C1QTNF4: variants seen among roughly 807,000 people sequenced by gnomAD.
C1QTNF4 encodes complement C1q tumor necrosis factor-related protein 4.
Under a neutral mutation model 14.6 loss-of-function variants are expected in C1QTNF4, and 12 were observed. The ratio of observed to expected loss-of-function variants is 0.82; its 90% confidence interval spans 0.53 to 1.33. The LOEUF is 1.33. Among genes scored for constraint, C1QTNF4 ranks in the 40% most tolerant of loss-of-function variants. The probability of loss-of-function intolerance (pLI) is 0.00; values close to 1 mark genes in which losing one functional copy is unlikely to be tolerated. For missense variants in C1QTNF4, 558 were observed against 500.3 expected (o/e 1.12, Z -1.10); for synonymous variants, 278 against 246.6 (o/e 1.13, Z -1.19).
chr11:47,592,770 G>A (rs2097276268), intron 1 of C1QTNF4, among the ~76,000 whole-genome samples: 1 of 152,204 alleles, frequency 6.6e-6, no homozygotes, highest in Admixed American at 6.5e-5. Flanking sequence ...GAGAAGGGTT[G>A]TCAGGTGTAG....
Position 47,590,450 on chromosome 11 carries a change from T to C in C1QTNF4, c.361A>G (p.Ser121Gly). ...RPGARRAASQ[S>G]AMLQLDYGDT... ...CCGTAGTCGAGCTGCAGCATGGCGC[T>C]CTGGCTGGCTGCGCGCCGCGCGCCT... is the stretch of plus-strand genomic sequence containing the variant. The change falls in exon 2 of 2, where the codon AGC becomes GGC. Residue 121 changes from serine to glycine, a missense_variant. Coordinates refer to ENST00000302514, the MANE Select transcript of C1QTNF4 (RefSeq NM_031909.3). 2.0e-6 allele frequency: 3 copies of C among 1,513,800 alleles called. No individual in the cohort carries two copies. The highest frequency in any genetic ancestry group is 1.8e-6 in the Non-Finnish European group (2 of 1,135,908). 93.8% of individuals were successfully genotyped at this position (1,513,800 alleles called of 1,614,324 possible). A position where few individuals can be genotyped will look rare whatever the true frequency, so the allele number is the denominator to read the frequency against.
At chr11:47,592,528 C>A (rs936835641) in intron 1 of C1QTNF4, among the ~76,000 whole-genome samples, 2 of 152,146 alleles carry the variant, frequency 1.3e-5, no homozygotes, top group African/African-American at 4.8e-5. Flanking sequence ...GTCACTCCTA[C>A]CCCTGAGAGC....
Position 47,590,709 on chromosome 11 carries a change from C to G in C1QTNF4, c.102G>C (p.Ala34=). The change falls in exon 2 of 2, where the codon GCG becomes GCC. Residue 34 remains alanine (A), a synonymous_variant. Transcript: ENST00000302514. ...GSSELRSAFS[A]ARTTPLEGTS... is the part of the protein sequence containing the mutation. Reference sequence around the variant, plus strand: ...TGCCCTCCAGGGGGGTGGTGCGTGCCGCCGAGAAGGCCGAGCGCAGCTCAG... The same window carrying G: ...TGCCCTCCAGGGGGGTGGTGCGTGCGGCCGAGAAGGCCGAGCGCAGCTCAG... 1 of 1,611,010 alleles carries G rather than the reference C, an allele frequency of 6.2e-7. No individual in the cohort carries two copies. The highest frequency in any genetic ancestry group is 8.5e-7 in the Non-Finnish European group (1 of 1,179,272).
chr11:47,592,407 A>G (rs2097276111), intron 1 of C1QTNF4, among the ~76,000 whole-genome samples: 1 of 152,158 alleles, frequency 6.6e-6, no homozygotes, highest in Admixed American at 6.5e-5. Context: ...GTGCTGAGAT[A>G]GGTGTGAACA....
chr11:47,590,933 G>T (rs1331670124), intron 1 of C1QTNF4, 118 bp from the exon 2 acceptor site: 5 of 1,401,588 alleles, frequency 3.6e-6, no homozygotes, highest in Non-Finnish European at 3.7e-6. Context: ...CCACAAGTAG[G>T]TTTCAATTTT....
Position 47,589,700 on chromosome 11 carries a change from G to A in C1QTNF4, c.*121C>T. 1 of 996,784 alleles carries A rather than the reference G, an allele frequency of 1.0e-6. No homozygotes were observed. The highest frequency in any genetic ancestry group is 1.4e-6 in the Non-Finnish European group (1 of 722,416). 61.7% of individuals were successfully genotyped at this position (996,784 alleles called of 1,614,324 possible). ...CGGGCGCTGCGCGTGCCCGCTTTCC[G>A]CTTTATTGGCAGAGTCCAGGCGCGC... On this transcript the variant is annotated 3_prime_UTR_variant, in exon 2 of 2. Coordinates refer to ENST00000302514, the MANE Select transcript of C1QTNF4 (RefSeq NM_031909.3).
rs1414179699 is a variant in C1QTNF4, at chr11:47,590,125, T to C, written c.686A>G (p.Tyr229Cys). Residue 229 changes from tyrosine (Y) to cysteine (C), a missense_variant, in exon 2 of 2, where the codon TAC (tyrosine) becomes TGC (cysteine). Tyr to Cys is a radical substitution (Grantham distance 194). Transcript: ENST00000302514. ...GVFRCRLPGA[Y>C]FFSFTLGKLP... ...CTTGCCCAGCGTGAAGGAGAAGAAG[T>C]AGGCGCCGGGCAGACGGCAGCGGAA... The C allele has an allele frequency of 5.0e-6, 8 of 1,610,670 alleles. No homozygotes were observed. The highest frequency in any genetic ancestry group is 6.8e-6 in the Non-Finnish European group (8 of 1,178,986).
At chr11:47,591,687 C>G (rs1273697390) in intron 1 of C1QTNF4, among the ~76,000 whole-genome samples, 1 of 152,180 alleles carries the variant, frequency 6.6e-6, no homozygotes, top group African/African-American at 2.4e-5. Flanking sequence ...CGCGCCCGGC[C>G]GAAACCCCTT....
Position 47,590,030 on chromosome 11 carries a change from C to A in C1QTNF4, c.781G>T (p.Asp261Tyr). The change falls in exon 2 of 2, where the codon GAC (aspartate) becomes TAC (tyrosine). Residue 261 changes from aspartate to tyrosine, a missense_variant. Coordinates refer to ENST00000302514, the MANE Select transcript of C1QTNF4 (RefSeq NM_031909.3). ...ATCTCGCGGCGCCGCGACGCGCCGT[C>A]GTCGTAAATCATGGCCTGCACCTCG... is the stretch of plus-strand genomic sequence containing the variant. ...RDEVQAMIYD[D>Y]GASRRREMQS... 6.2e-7 allele frequency: 1 copy of A among 1,612,204 alleles called. No homozygotes were observed. The highest frequency in any genetic ancestry group is 8.5e-7 in the Non-Finnish European group (1 of 1,178,778).
chr11:47,591,008 T>A (rs1441209681), intron 1 of C1QTNF4, among the ~76,000 whole-genome samples, 193 bp from the exon 2 acceptor site: 1 of 152,172 alleles, frequency 6.6e-6, no homozygotes, highest in African/African-American at 2.4e-5. Context: ...TGTTCAAACA[T>A]ACATAGTTGG....
chr11:47,590,182 A>G lies in C1QTNF4; in HGVS notation c.629T>C (p.Ile210Thr), dbSNP rs2097274454. Residue 210 changes from isoleucine to threonine, a missense_variant, in exon 2 of 2, where the codon ATT (isoleucine) becomes ACT (threonine). Physicochemically the swap from Ile to Thr is moderately conservative, Grantham distance 89. Transcript: ENST00000302514. ...PLAFDTEFVN[I>T]GGDFDAAAGV... ...GGCCGCCGCGTCGAAGTCGCCGCCA[A>G]TGTTGACGAACTCGGTGTCGAAGGC... 1 of 1,596,636 alleles carries G rather than the reference A, an allele frequency of 6.3e-7. No homozygotes were observed. The highest frequency in any genetic ancestry group is 1.1e-5 in the South Asian group (1 of 89,740).
chr11:47,590,588 C>T lies in C1QTNF4; in HGVS notation c.223G>A (p.Ala75Thr). 6.2e-7 allele frequency: 1 copy of T among 1,604,898 alleles called. No individual in the cohort carries two copies. Among genetic ancestry groups the T allele is most frequent in the Non-Finnish European group, 8.5e-7 (1 of 1,176,482 alleles). The change falls in exon 2 of 2, where the codon GCC becomes ACC. Residue 75 changes from alanine (A) to threonine (T), a missense_variant. Coordinates refer to ENST00000302514, the MANE Select transcript of C1QTNF4 (RefSeq NM_031909.3). ...TGQFRCRVPG[A>T]YFFSFTAGKA... ...CCAGCCGTGAAGGAGAAGAAGTAGGCGCCGGGCACGCGGCAGCGAAACTGG... is the reference window on the plus strand; with the variant it reads ...CCAGCCGTGAAGGAGAAGAAGTAGGTGCCGGGCACGCGGCAGCGAAACTGG...
chr11:47,593,877 A>G (rs1303953672), intron 1 of C1QTNF4, among the ~76,000 whole-genome samples: 1 of 151,406 alleles, frequency 6.6e-6, no homozygotes, highest in Non-Finnish European at 1.5e-5. Context: ...TCCCCAACCT[A>G]CCTTGAAAGC....
intron 1 of C1QTNF4, among the ~76,000 whole-genome samples, chr11:47,592,627 T>G (rs971648353): frequency 6.6e-6 from 1 of 152,152 alleles, no homozygotes. Flanking sequence ...CTTTGGGGCT[T>G]GAATACCCAA....
chr11:47,590,693 G>C lies in C1QTNF4; in HGVS notation c.118C>G (p.Leu40Val), dbSNP rs371580513. 8 of 1,610,764 alleles carry C rather than the reference G, an allele frequency of 5.0e-6. No individual in the cohort carries two copies. The highest frequency in any genetic ancestry group is 6.8e-6 in the Non-Finnish European group (8 of 1,179,152). ...ACCGCCATCTCCGACGTGCCCTCCAGGGGGGTGGTGCGTGCCGCCGAGAAG... is the reference window on the plus strand; with the variant it reads ...ACCGCCATCTCCGACGTGCCCTCCACGGGGGTGGTGCGTGCCGCCGAGAAG... Reference protein sequence around the residue: ...SAFSAARTTPLEGTSEMAVTF... With the variant: ...SAFSAARTTPVEGTSEMAVTF... The change falls in exon 2 of 2, where the codon CTG becomes GTG. Residue 40 changes from leucine (L) to valine (V), a missense_variant. Coordinates refer to ENST00000302514, the MANE Select transcript of C1QTNF4 (RefSeq NM_031909.3).
intron 1 of C1QTNF4, among the ~76,000 whole-genome samples, chr11:47,591,757 C>T (rs569643217): frequency 6.6e-6 from 1 of 152,346 alleles, no homozygotes; most frequent in South Asian, 2.1e-4. Flanking sequence ...AGGCCTACAG[C>T]CCTGTCTGCT....
rs2097274094 is a variant in C1QTNF4 at position 47,589,707 on chromosome 11, T to C, written c.*114A>G. 1 of 1,047,220 alleles carries C rather than the reference T, an allele frequency of 9.5e-7. No individual in the cohort carries two copies. The highest frequency in any genetic ancestry group is 1.3e-6 in the Non-Finnish European group (1 of 766,024). The allele number at this position is 1,047,220 out of a possible 1,614,324, so 64.9% of individuals were successfully genotyped here. On this transcript the variant is annotated 3_prime_UTR_variant, in exon 2 of 2. Transcript: ENST00000302514. ...TGCGCGTGCCCGCTTTCCGCTTTAT[T>C]GGCAGAGTCCAGGCGCGCCCGGAGG...
Position 47,590,032 on chromosome 11 carries a change from TC to T in C1QTNF4, c.778del (p.Asp260ThrfsTer15), listed in dbSNP as rs1190850678. 6.2e-7 allele frequency: 1 copy of T among 1,612,068 alleles called. No homozygotes were observed. Among genetic ancestry groups the T allele is most frequent in the East Asian group, 2.2e-5 (1 of 44,762 alleles). ...NRDEVQAMIYDDGASRRREMQ... is the reference protein window; with the variant it reads ...NRDEVQAMIYXDGASRRREMQ... ...CTCGCGGCGCCGCGACGCGCCGTCG[TC>T]GTAAATCATGGCCTGCACCTCGTCG... On this transcript the variant is annotated frameshift_variant, in exon 2 of 2. Coordinates refer to ENST00000302514, the MANE Select transcript of C1QTNF4 (RefSeq NM_031909.3). LOFTEE classifies it high-confidence loss of function.
chr11:47,590,227 C>A lies in C1QTNF4; in HGVS notation c.584G>T (p.Gly195Val), dbSNP rs780620024. 91 of 1,532,862 alleles carry A rather than the reference C, an allele frequency of 5.9e-5. No homozygotes were observed. The African/African-American group carries it at 1.1e-3, about 18-fold the overall frequency. The allele number at this position is 1,532,862 out of a possible 1,614,324, so 95.0% of individuals were successfully genotyped here. A position where few individuals can be genotyped will look rare whatever the true frequency, so the allele number is the denominator to read the frequency against. Reference protein sequence around the residue: ...RSLVGSDAGPGPRHQPLAFDT... With the variant: ...RSLVGSDAGPVPRHQPLAFDT... ...GAAGGCGAGTGGTTGGTGCCGCGGCCCGGGGCCAGCGTCCGAGCCCACCAA... is the reference window on the plus strand; with the variant it reads ...GAAGGCGAGTGGTTGGTGCCGCGGCACGGGGCCAGCGTCCGAGCCCACCAA... The change falls in exon 2 of 2, where the codon GGG becomes GTG. Residue 195 changes from glycine (G) to valine (V), a missense_variant. By Grantham distance (109) the Gly-to-Val change is moderately radical. Transcript: ENST00000302514.
Sources: allele counts gnomAD v4.1 joint callset (sites outside exome capture counted in the v4.1 genomes callset), GRCh38; gene constraint gnomAD v4.1.1; transcripts MANE v1.5; gene names NCBI Gene and HGNC (gene_info 2026-07-23, HGNC 2026-07-21).